The following FOXP2 variants were observed in gnomAD, a reference collection of about 807,000 sequenced individuals.
FOXP2 encodes the protein forkhead box P2.
FOXP2 carries 12 observed loss-of-function variants against 115.8 expected under a neutral mutation model. The ratio of observed to expected loss-of-function variants is 0.10; its 90% CI spans 0.07 to 0.17. FOXP2 has a LOEUF of 0.17. Ranked by LOEUF, FOXP2 falls within the 10% of genes least tolerant of loss-of-function variation. FOXP2 has a pLI of 1.00. For missense variants in FOXP2, 629 were observed against 843.5 expected (o/e 0.75, Z 3.15); for synonymous variants, 328 against 297.7 (o/e 1.10, Z -1.05).
At chr7:114,367,911 AT>A (rs1026579989) in intron 2 of FOXP2, among the ~76,000 whole-genome samples, 3 of 152,146 alleles carry the variant, frequency 2.0e-5, no homozygotes, top group African/African-American at 7.2e-5. Context: ...ACCAGTTAAA[AT>A]TAAGGTTTTT....
chr7:114,279,230 G>T (rs1200460360), intron 1 of FOXP2, among the ~76,000 whole-genome samples: 1 of 152,170 alleles, frequency 6.6e-6, no homozygotes, highest in Non-Finnish European at 1.5e-5. Context: ...TGTAGAGGAT[G>T]CTCCTTACTG....
At chr7:114,362,727 T>TA (rs1406615994) in intron 2 of FOXP2, among the ~76,000 whole-genome samples, 3 of 152,064 alleles carry the variant, frequency 2.0e-5, no homozygotes, top group East Asian at 1.9e-4. Context: ...GCATATGCTA[T>TA]AAAAAATCGA....
intron 2 of FOXP2, among the ~76,000 whole-genome samples, chr7:114,389,054 G>A (rs1386767695): frequency 6.6e-6 from 1 of 152,218 alleles, no homozygotes; most frequent in African/African-American, 2.4e-5. Context: ...TTTGGCTTAA[G>A]CCAAACGTAT....
intron 2 of FOXP2, among the ~76,000 whole-genome samples, chr7:114,337,431 A>G (rs2129183839): frequency 6.6e-6 from 1 of 151,370 alleles, no homozygotes; most frequent in African/African-American, 2.4e-5. Flanking sequence ...ATTTTTACAT[A>G]TTCTAATAAG....
rs952662344 is a variant in FOXP2, at chr7:114,664,623, T to A, written c.2003+187T>A. On this transcript the variant is annotated intron_variant, in intron 16 of 16. Coordinates refer to ENST00000350908, the MANE Select transcript of FOXP2 (RefSeq NM_014491.4). Reference sequence around the variant, plus strand: ...CGGTTTTAATACATTTTTTAGATGATCTCAAATGCCATATCATTATTGTTC... The same window carrying A: ...CGGTTTTAATACATTTTTTAGATGAACTCAAATGCCATATCATTATTGTTC... 3 of 646,826 alleles carry A rather than the reference T, an allele frequency of 4.6e-6. No homozygotes were observed. The African/African-American group carries it at 5.5e-5, about 12-fold the overall frequency. The allele number at this position is 646,826 out of a possible 1,614,324, so 40.1% of individuals were successfully genotyped here.
intron 3 of FOXP2, among the ~76,000 whole-genome samples, chr7:114,549,801 T>C (rs1275719956): frequency 2.6e-5 from 4 of 152,092 alleles, no homozygotes; most frequent in Admixed American, 2.6e-4. Context: ...AAAAAAATAG[T>C]ATAATAAACC....
chr7:114,685,288 T>A (rs1445224537), intron 16 of FOXP2, among the ~76,000 whole-genome samples: 1 of 152,188 alleles, frequency 6.6e-6, no homozygotes, highest in Non-Finnish European at 1.5e-5. Context: ...CCTATTTTTT[T>A]ATTTATAAGT....
intron 14 of FOXP2, 88 bp from the exon 15 acceptor site, chr7:114,663,362 G>A: frequency 1.0e-6 from 1 of 981,384 alleles, no homozygotes. Flanking sequence ...TGTGAGACAA[G>A]CCAGAACATA....
At chr7:114,635,766 T>C (rs1048075189) in intron 6 of FOXP2, among the ~76,000 whole-genome samples, 1 of 152,140 alleles carries the variant, frequency 6.6e-6, no homozygotes, top group Non-Finnish European at 1.5e-5. Context: ...TTGGCAATTC[T>C]TTACATCTTG....
intron 3 of FOXP2, among the ~76,000 whole-genome samples, chr7:114,546,937 TA>T (rs1363684624): frequency 1.3e-5 from 2 of 152,204 alleles, no homozygotes; most frequent in Non-Finnish European, 2.9e-5. Context: ...TTGGATTTTG[TA>T]AACTGTATTG....
At chr7:114,108,662 C>T (rs950988200) in intron 1 of FOXP2, among the ~76,000 whole-genome samples, 1 of 151,868 alleles carries the variant, frequency 6.6e-6, no homozygotes, top group Non-Finnish European at 1.5e-5. Context: ...CTTTCATTAG[C>T]ACTATTAGTT....
chr7:114,278,162 A>C (rs1796239745), intron 1 of FOXP2, among the ~76,000 whole-genome samples: 1 of 152,156 alleles, frequency 6.6e-6, no homozygotes, highest in African/African-American at 2.4e-5. Flanking sequence ...TGTTTAAAAA[A>C]GGATGCTCAC....
chr7:114,201,689 A>G (rs1445557189), intron 1 of FOXP2, among the ~76,000 whole-genome samples: 1 of 152,218 alleles, frequency 6.6e-6, no homozygotes, highest in East Asian at 1.9e-4. Context: ...GCTTGATAAT[A>G]TAGTGCTAGA....
chr7:114,368,600 T>A (rs1048187237), intron 2 of FOXP2, among the ~76,000 whole-genome samples: 1 of 152,106 alleles, frequency 6.6e-6, no homozygotes, highest in Non-Finnish European at 1.5e-5. Flanking sequence ...AAATTATTAC[T>A]CTCTAGGGGA....
intron 2 of FOXP2, among the ~76,000 whole-genome samples, chr7:114,441,726 A>G (rs961473228): frequency 1.8e-4 from 27 of 152,230 alleles, no homozygotes; most frequent in Middle Eastern, 3.2e-3. Flanking sequence ...AAGAAGATAT[A>G]TGAATGGGCA....
At chr7:114,111,434 A>G (rs1264533729) in intron 1 of FOXP2, among the ~76,000 whole-genome samples, 3 of 152,142 alleles carry the variant, frequency 2.0e-5, no homozygotes, top group African/African-American at 7.2e-5. Context: ...ATGCCAGATC[A>G]GCAGAAGAAC....
rs576347421 is a variant in FOXP2, at chr7:114,664,360, G to A, written c.1927G>A (p.Glu643Lys). The change falls in exon 16 of 17, where the codon GAA becomes AAA. Residue 643 changes from glutamate (E) to lysine (K), a missense_variant. Glu to Lys is a moderately conservative substitution (Grantham distance 56, BLOSUM62 1). This residue lies in a region of FOXP2 where 117 missense variants were observed against 112.3 expected (regional missense o/e 1.04). Transcript: ENST00000350908. ...CAGTGGCCTACTGCAGGCCGTCCACGAAGACCTCAATGGTTCTCTGGATCA... is the reference window on the plus strand; with the variant it reads ...CAGTGGCCTACTGCAGGCCGTCCACAAAGACCTCAATGGTTCTCTGGATCA... ...ASSGLLQAVH[E>K]DLNGSLDHID... 16 of 1,613,602 alleles carry A rather than the reference G, an allele frequency of 9.9e-6. No individual in the cohort carries two copies. The highest frequency in any genetic ancestry group is 5.3e-5 in the African/African-American group (4 of 74,982).
intron 1 of FOXP2, among the ~76,000 whole-genome samples, chr7:114,193,925 A>G (rs1047708818): frequency 1.3e-5 from 2 of 152,154 alleles, no homozygotes; most frequent in Non-Finnish European, 2.9e-5. Context: ...TAAAACTTAG[A>G]AAATTGAGAG....
At chr7:114,551,214 A>G (rs1388111512) in intron 3 of FOXP2, among the ~76,000 whole-genome samples, 10 of 152,336 alleles carry the variant, frequency 6.6e-5, no homozygotes, top group East Asian at 3.9e-4. Context: ...TTCTCAATCA[A>G]TCCATCAAAG....
Sources: allele counts gnomAD v4.1 joint callset (sites outside exome capture counted in the v4.1 genomes callset), GRCh38; gene constraint gnomAD v4.1.1; regional missense constraint gnomAD v4.1.1; transcripts MANE v1.5; gene names NCBI Gene and HGNC (gene_info 2026-07-23, HGNC 2026-07-21).